RGSL1: variants seen among roughly 807,000 people sequenced by gnomAD.
RGSL1 encodes the protein regulator of G protein signaling like 1.
In RGSL1, 97 loss-of-function variants were observed where a neutral mutation model predicts 124.7. That is an observed-to-expected ratio of 0.78 (90% CI 0.66 to 0.92). The LOEUF (loss-of-function observed/expected upper bound fraction) is 0.92, where lower values mean the gene tolerates loss of function less well. RGSL1 is among the 40% of genes least tolerant of loss of function. The pLI is 0.00. For synonymous variants in RGSL1, 424 were observed against 438.1 expected, an observed-to-expected ratio of 0.97 and a Z score of 0.40; for missense variants, 1,233 against 1,288.4, an observed-to-expected ratio of 0.96 and a Z score of 0.66.
chr1:182,495,668 T>C (rs998861227), intron 9 of RGSL1, among the ~76,000 whole-genome samples: 16 of 152,196 alleles, frequency 1.1e-4, no homozygotes, highest in African/African-American at 3.4e-4. Flanking sequence ...TCACCACTGA[T>C]AGAGGGCTTC....
chr1:182,514,824 T>C (rs979783562), intron 9 of RGSL1, among the ~76,000 whole-genome samples: 1 of 152,198 alleles, frequency 6.6e-6, no homozygotes, highest in African/African-American at 2.4e-5. Context: ...CAATCCTTCA[T>C]AATTTGGTGA....
intron 18 of RGSL1, among the ~76,000 whole-genome samples, chr1:182,552,145 G>A (rs1001139681): frequency 4.6e-5 from 7 of 150,590 alleles, no homozygotes; most frequent in African/African-American, 1.5e-4. Context: ...AGGCAGTCTC[G>A]CTCTGTGGCC....
chr1:182,505,122 G>A (rs1437012785), intron 9 of RGSL1, among the ~76,000 whole-genome samples: 2 of 152,144 alleles, frequency 1.3e-5, no homozygotes, highest in African/African-American at 4.8e-5. Context: ...GGCCCAAGCT[G>A]TGGTGGTCAA....
chr1:182,475,081 G>T (rs967990933), intron 6 of RGSL1, among the ~76,000 whole-genome samples: 1 of 152,146 alleles, frequency 6.6e-6, no homozygotes, highest in African/African-American at 2.4e-5. Context: ...GTACAATGGA[G>T]GTGGGGAGTG....
chr1:182,466,798 C>T (rs1216201442), intron 4 of RGSL1, among the ~76,000 whole-genome samples: 1 of 152,130 alleles, frequency 6.6e-6, no homozygotes, highest in African/African-American at 2.4e-5. Flanking sequence ...ATCTCAATGA[C>T]ATCTTTTGCA....
At chr1:182,529,691 C>A (rs752808736) in intron 11 of RGSL1, among the ~76,000 whole-genome samples, 8 of 152,034 alleles carry the variant, frequency 5.3e-5, no homozygotes, top group Admixed American at 2.0e-4. Context: ...ATTAATGAAT[C>A]TTTATTTGTA....
intron 6 of RGSL1, among the ~76,000 whole-genome samples, chr1:182,479,017 G>A (rs1010102887): frequency 1.3e-5 from 2 of 152,082 alleles, no homozygotes; most frequent in Admixed American, 6.5e-5. Flanking sequence ...GAGTGAAGAA[G>A]TGTTTAAAAA....
In RGSL1 at chr1:182,458,342, T is replaced by C; in HGVS notation, c.120T>C (p.Tyr40=). The change falls in exon 3 of 22, where the codon TAT becomes TAC. Residue 40 remains tyrosine, a synonymous_variant. Transcript: ENST00000294854. ...AGGTTTTTGGTCAGACACCATTTTATACTGTTGAAAATTCACAGTGGAGCT... is the reference window on the plus strand; with the variant it reads ...AGGTTTTTGGTCAGACACCATTTTACACTGTTGAAAATTCACAGTGGAGCT... ...SLPVFGQTPF[Y]TVENSQWSLW... The C allele has an allele frequency of 6.4e-7, 1 of 1,552,200 alleles. No homozygotes were observed. Among genetic ancestry groups the C allele is most frequent in the South Asian group, 1.2e-5 (1 of 84,060 alleles).
At chr1:182,479,645 G>A (rs751884451) in intron 6 of RGSL1, among the ~76,000 whole-genome samples, 3 of 152,062 alleles carry the variant, frequency 2.0e-5, no homozygotes, top group South Asian at 2.1e-4. Flanking sequence ...TTTACCTAAC[G>A]ATAATTACTT....
chr1:182,455,683 G>C (rs1219010379), intron 2 of RGSL1, among the ~76,000 whole-genome samples: 1 of 152,148 alleles, frequency 6.6e-6, no homozygotes, highest in Admixed American at 6.5e-5. Flanking sequence ...GAAAGTAAAG[G>C]CACCAAAGAA....
chr1:182,554,613 G>A lies in RGSL1; in HGVS notation c.3131-14G>A, dbSNP rs1017800782. 3 of 1,551,058 alleles carry A rather than the reference G, an allele frequency of 1.9e-6. No individual in the cohort carries two copies. In the African/African-American group the frequency reaches 4.1e-5, roughly 21 times the overall value. On this transcript the variant is annotated splice_polypyrimidine_tract_variant and intron_variant, in intron 19 of 21. Coordinates refer to ENST00000294854, the MANE Select transcript of RGSL1 (RefSeq NM_001137669.2). ...ATGAGTCCTGATGCAATTTTTCTCTGTATTTCTCTTTAGCTTCATCAAGCA... is the reference window on the plus strand; with the variant it reads ...ATGAGTCCTGATGCAATTTTTCTCTATATTTCTCTTTAGCTTCATCAAGCA...
intron 9 of RGSL1, among the ~76,000 whole-genome samples, chr1:182,510,928 G>A (rs763468751): frequency 6.6e-6 from 1 of 151,972 alleles, no homozygotes; most frequent in Non-Finnish European, 1.5e-5. Flanking sequence ...TAAATATTAG[G>A]ATGTAATCCT....
At chr1:182,512,838 AC>A (rs1657562818) in intron 9 of RGSL1, among the ~76,000 whole-genome samples, 1 of 152,068 alleles carries the variant, frequency 6.6e-6, no homozygotes, top group African/African-American at 2.4e-5. Context: ...GAGTTTGGCT[AC>A]CCCATGGCTG....
At chr1:182,456,958 C>A (rs1319789890) in intron 2 of RGSL1, among the ~76,000 whole-genome samples, 1 of 152,070 alleles carries the variant, frequency 6.6e-6, no homozygotes, top group Non-Finnish European at 1.5e-5. Flanking sequence ...ACCATCCTGG[C>A]CAACATGATG....
intron 6 of RGSL1, among the ~76,000 whole-genome samples, chr1:182,478,976 G>T (rs1300874536): frequency 6.6e-6 from 1 of 152,126 alleles, no homozygotes; most frequent in Non-Finnish European, 1.5e-5. Context: ...TGGCAATTGA[G>T]AATTCTTTAC....
chr1:182,457,609 T>A (rs933755443), intron 2 of RGSL1, among the ~76,000 whole-genome samples: 9 of 152,216 alleles, frequency 5.9e-5, no homozygotes, highest in African/African-American at 2.2e-4. Context: ...TGACATGATG[T>A]GCTGAGAGTT....
At chr1:182,540,755 C>T (rs530932167) in intron 15 of RGSL1, among the ~76,000 whole-genome samples, 2 of 152,250 alleles carry the variant, frequency 1.3e-5, no homozygotes, top group Non-Finnish European at 2.9e-5. Flanking sequence ...TTAGTCAAAG[C>T]CAGGAATTAT....
Position 182,548,681 on chromosome 1 carries a change from G to T in RGSL1, c.2809-19G>T, listed in dbSNP as rs145104723. On this transcript the variant is annotated intron_variant, in intron 16 of 21. Coordinates refer to ENST00000294854, the MANE Select transcript of RGSL1 (RefSeq NM_001137669.2). ...CCCGTGGAGCCTCTGCCAGTGACAG[G>T]CTCCCACTCTGTGGGTAGGTGAATG... 9 of 1,550,918 alleles carry T rather than the reference G, an allele frequency of 5.8e-6. No individual in the cohort carries two copies. The African/African-American group carries it at 1.1e-4, about 19-fold the overall frequency.
intron 4 of RGSL1, among the ~76,000 whole-genome samples, chr1:182,461,634 A>G (rs1652843976): frequency 6.6e-6 from 1 of 152,196 alleles, no homozygotes. Flanking sequence ...TGATAAATGA[A>G]CAAAATGGAA....
Sources: allele counts gnomAD v4.1 joint callset (sites outside exome capture counted in the v4.1 genomes callset), GRCh38; gene constraint gnomAD v4.1.1; transcripts MANE v1.5; gene names NCBI Gene and HGNC (gene_info 2026-07-23, HGNC 2026-07-21).